ULK4: variants seen among roughly 807,000 people sequenced by gnomAD.
The protein encoded by ULK4 is unc-51 like kinase 4.
A neutral mutation model predicts 160.6 loss-of-function variants in ULK4; 133 were observed. The observed-to-expected ratio is 0.83, with a 90% confidence interval of 0.72 to 0.96. The LOEUF (loss-of-function observed/expected upper bound fraction) is 0.96, where lower values mean the gene tolerates loss of function less well. Among genes scored for constraint, ULK4 ranks in the 40% least tolerant of loss-of-function variants. ULK4 has a pLI of 0.00. For synonymous variants in ULK4, 534 were observed against 539.8 expected (o/e 0.99, Z 0.15); for missense variants, 1,580 against 1,499.5 (o/e 1.05, Z -0.89).
At chr3:41,856,558 TATAC>T (rs1559611049) in intron 17 of ULK4, among the ~76,000 whole-genome samples, 1,897 of 43,512 alleles carry the variant, frequency 0.044, 76 homozygotes, top group African/African-American at 0.18. Flanking sequence ...TGTGTATATA[TATAC>T]ACATATATAT....
chr3:41,370,393 G>A lies in ULK4; in HGVS notation c.3678+27686C>T, dbSNP rs2792827. Among the ~76,000 whole-genome samples, 370 of 152,304 alleles carry A rather than the reference G, an allele frequency of 2.4e-3. 3 individuals are homozygous for A. The highest frequency in any genetic ancestry group is 8.5e-3 in the African/African-American group (354 of 41,574). ...CAAATAGGAGCAGCTCTGGTCTGCA[G>A]CTCCCAGCAAGACCAACCCAGAAGG... On this transcript the variant is annotated intron_variant, in intron 35 of 36. Coordinates refer to ENST00000301831, the MANE Select transcript of ULK4 (RefSeq NM_017886.4).
At chr3:41,801,239 C>T (rs2040451254) in intron 19 of ULK4, among the ~76,000 whole-genome samples, 1 of 151,970 alleles carries the variant, frequency 6.6e-6, no homozygotes, top group Non-Finnish European at 1.5e-5. Flanking sequence ...TTAGACACTA[C>T]AGACTAAATG....
At chr3:41,931,470 T>TAAAA (rs61500854) in intron 5 of ULK4, among the ~76,000 whole-genome samples, 7 of 126,966 alleles carry the variant, frequency 5.5e-5, no homozygotes, top group East Asian at 2.2e-4. Context: ...CCCTAGAACT[T>TAAAA]AAAAAAAAAA....
chr3:41,886,527 C>T (rs534517270), intron 16 of ULK4, among the ~76,000 whole-genome samples: 3 of 151,972 alleles, frequency 2.0e-5, no homozygotes, highest in South Asian at 4.2e-4. Flanking sequence ...GAAAAAGATT[C>T]CCTTTAAACT....
At chr3:41,390,641 G>A (rs1302361563) in intron 35 of ULK4, among the ~76,000 whole-genome samples, 1 of 152,060 alleles carries the variant, frequency 6.6e-6, no homozygotes, top group Non-Finnish European at 1.5e-5. Context: ...AGTCATTCAG[G>A]AGCAGGTTGT....
chr3:41,445,386 A>G (rs2083274159), intron 34 of ULK4, among the ~76,000 whole-genome samples: 1 of 152,226 alleles, frequency 6.6e-6, no homozygotes, highest in Admixed American at 6.5e-5. Flanking sequence ...TCAAGTTCAT[A>G]TGGAACCAAA....
intron 32 of ULK4, among the ~76,000 whole-genome samples, chr3:41,486,213 T>C (rs936501126): frequency 3.3e-5 from 5 of 152,178 alleles, no homozygotes; most frequent in African/African-American, 4.8e-5. Flanking sequence ...ATTGCAGTAA[T>C]TGGGCTATTA....
At chr3:41,346,837 A>G (rs2080810569) in intron 35 of ULK4, among the ~76,000 whole-genome samples, 1 of 152,232 alleles carries the variant, frequency 6.6e-6, no homozygotes, top group Non-Finnish European at 1.5e-5. Flanking sequence ...TTTTCCAAGT[A>G]TTCTTAAGTA....
intron 35 of ULK4, among the ~76,000 whole-genome samples, chr3:41,326,362 C>T (rs1056074875): frequency 6.6e-6 from 1 of 152,114 alleles, no homozygotes; most frequent in African/African-American, 2.4e-5. Flanking sequence ...CTGCCCGCTA[C>T]AATCCCCAGT....
chr3:41,511,032 A>G (rs2085555198), intron 32 of ULK4, among the ~76,000 whole-genome samples: 1 of 151,978 alleles, frequency 6.6e-6, no homozygotes, highest in Non-Finnish European at 1.5e-5. Context: ...GCGTGGTGGC[A>G]TGCACCTGCA....
chr3:41,533,738 C>T (rs1021453737), intron 32 of ULK4, among the ~76,000 whole-genome samples: 3 of 152,178 alleles, frequency 2.0e-5, no homozygotes, highest in Non-Finnish European at 4.4e-5. Flanking sequence ...AGTTCGTCAG[C>T]CCCTGCTGTA....
intron 35 of ULK4, among the ~76,000 whole-genome samples, chr3:41,281,762 A>C (rs1009819986): frequency 1.3e-5 from 2 of 152,256 alleles, no homozygotes; most frequent in Admixed American, 6.5e-5. Flanking sequence ...GCCCTCTCTC[A>C]CCACTCCTAT....
At chr3:41,896,413 C>T (rs1698159115) in intron 15 of ULK4, among the ~76,000 whole-genome samples, 1 of 152,114 alleles carries the variant, frequency 6.6e-6, no homozygotes, top group South Asian at 2.1e-4. Context: ...CACTGCCACA[C>T]CCAGCTAATT....
At chr3:41,769,578 T>G (rs1442356772) in intron 21 of ULK4, among the ~76,000 whole-genome samples, 1 of 152,234 alleles carries the variant, frequency 6.6e-6, no homozygotes, top group Non-Finnish European at 1.5e-5. Context: ...AACAAGGTTA[T>G]GTCCAGCATT....
chr3:41,706,536 G>A (rs1031797879), intron 25 of ULK4, among the ~76,000 whole-genome samples: 1 of 150,828 alleles, frequency 6.6e-6, no homozygotes, highest in African/African-American at 2.4e-5. Context: ...GTAGAAATTG[G>A]TCTAACATAG....
chr3:41,799,835 C>T (rs1311115182), intron 20 of ULK4, among the ~76,000 whole-genome samples: 1 of 152,048 alleles, frequency 6.6e-6, no homozygotes, highest in Non-Finnish European at 1.5e-5. Context: ...TGCACTCCAG[C>T]CTGGATGACA....
At chr3:41,903,841 T>C (rs566821457) in intron 12 of ULK4, among the ~76,000 whole-genome samples, 5 of 152,244 alleles carry the variant, frequency 3.3e-5, no homozygotes, top group African/African-American at 1.2e-4. Flanking sequence ...TGAACACATA[T>C]GTATAAAACC....
chr3:41,513,812 G>T (rs1043519573), intron 32 of ULK4, among the ~76,000 whole-genome samples: 1 of 152,182 alleles, frequency 6.6e-6, no homozygotes, highest in African/African-American at 2.4e-5. Flanking sequence ...GGAGACTCGG[G>T]AGAACAGGTG....
At chr3:41,852,006 A>G (rs2042227400) in intron 17 of ULK4, among the ~76,000 whole-genome samples, 1 of 152,096 alleles carries the variant, frequency 6.6e-6, no homozygotes, top group Admixed American at 6.6e-5. Flanking sequence ...CGCTAGCAAG[A>G]CTAATAGAGA....
Sources: gnomAD v4.1 joint callset for allele counts (sites outside exome capture counted in the v4.1 genomes callset) on GRCh38, gnomAD v4.1.1 for gene constraint, MANE v1.5 for transcripts, NCBI Gene and HGNC (gene_info 2026-07-23, HGNC 2026-07-21) for gene names.